DPP10: variants seen among roughly 807,000 people sequenced by gnomAD.
DPP10 encodes inactive dipeptidyl peptidase 10.
DPP10 carries 33 observed loss-of-function variants against 120.9 expected under a neutral mutation model. The observed-to-expected ratio is 0.27, with a 90% confidence interval of 0.21 to 0.37. DPP10 has a LOEUF of 0.37. Among genes scored for constraint, DPP10 ranks in the 10% least tolerant of loss-of-function variants. The pLI is 1.00. For synonymous variants in DPP10, 337 were observed against 326.1 expected, an observed-to-expected ratio of 1.03 and a Z score of -0.36; for missense variants, 816 against 942.8, an observed-to-expected ratio of 0.87 and a Z score of 1.76.
intron 3 of DPP10, among the ~76,000 whole-genome samples, chr2:115,471,478 G>A (rs2074712436): frequency 6.6e-6 from 1 of 152,032 alleles, no homozygotes; most frequent in South Asian, 2.1e-4. Flanking sequence ...CTTGCTCTCT[G>A]GTCTCTCCTT....
chr2:114,754,139 G>A (rs2082875), intron 1 of DPP10, among the ~76,000 whole-genome samples: 44,413 of 151,964 alleles, frequency 0.29, 6,905 homozygotes, highest in South Asian at 0.4. Flanking sequence ...TAGGAAATCT[G>A]TGGCTTTGGT....
At chr2:114,563,718 C>T (rs1358929449) in intron 1 of DPP10, among the ~76,000 whole-genome samples, 1 of 152,152 alleles carries the variant, frequency 6.6e-6, no homozygotes, top group African/African-American at 2.4e-5. Flanking sequence ...TGTGCATTGG[C>T]TCCATTTTTT....
chr2:115,196,304 A>G (rs1192368308), intron 1 of DPP10, among the ~76,000 whole-genome samples: 2 of 152,234 alleles, frequency 1.3e-5, no homozygotes, highest in Non-Finnish European at 2.9e-5. Flanking sequence ...AACAGGACAC[A>G]GTAACTTATG....
At chr2:114,587,337 G>GCA (rs1339013407) in intron 1 of DPP10, among the ~76,000 whole-genome samples, 3 of 148,226 alleles carry the variant, frequency 2.0e-5, no homozygotes, top group Non-Finnish European at 3.0e-5. Flanking sequence ...ACACACGCAT[G>GCA]CACACACACA....
chr2:114,596,292 G>C (rs1691901656), intron 1 of DPP10, among the ~76,000 whole-genome samples: 2 of 148,864 alleles, frequency 1.3e-5, no homozygotes, highest in Admixed American at 6.7e-5. Flanking sequence ...CCTACAAGCT[G>C]TTCCATAGCA....
intron 1 of DPP10, among the ~76,000 whole-genome samples, chr2:115,274,446 T>G (rs915160479): frequency 6.0e-4 from 91 of 152,256 alleles, no homozygotes; most frequent in African/African-American, 2.1e-3. Context: ...GTGCCTATTT[T>G]TTTTTAATAT....
chr2:114,860,048 C>T (rs1328364112), intron 1 of DPP10, among the ~76,000 whole-genome samples: 2 of 152,222 alleles, frequency 1.3e-5, no homozygotes, highest in Non-Finnish European at 2.9e-5. Context: ...GGTATACATA[C>T]ACCACATTAA....
intron 5 of DPP10, among the ~76,000 whole-genome samples, chr2:115,608,417 C>CA (rs1405236144): frequency 1.1e-4 from 4 of 35,414 alleles, no homozygotes; most frequent in African/African-American, 3.9e-4. Flanking sequence ...ACAATAACAA[C>CA]AAAAAACAGA....
chr2:115,614,482 A>G lies in DPP10; in HGVS notation c.442-75205A>G, dbSNP rs143151089. Among the ~76,000 whole-genome samples, 1,407 of 152,168 alleles carry G rather than the reference A, an allele frequency of 9.2e-3. 14 individuals carry two copies. The highest frequency in any genetic ancestry group is 0.047 in the South Asian group (227 of 4,824). ...ACTTTCTTGCCCAGGCTGGAGTGCA[A>G]TGGCGCCATCTCAGCTCACTGCAAC... On this transcript the variant is annotated intron_variant, in intron 5 of 25. Coordinates refer to ENST00000410059, the MANE Select transcript of DPP10 (RefSeq NM_020868.6).
At chr2:114,897,444 C>G (rs1693118823) in intron 1 of DPP10, among the ~76,000 whole-genome samples, 1 of 152,152 alleles carries the variant, frequency 6.6e-6, no homozygotes. Flanking sequence ...TGGGCAAGGA[C>G]TTCATGTCTA....
intron 17 of DPP10, among the ~76,000 whole-genome samples, chr2:115,790,694 A>G (rs1683872329): frequency 6.6e-6 from 1 of 152,150 alleles, no homozygotes; most frequent in African/African-American, 2.4e-5. Context: ...ACCTTATTAA[A>G]TACCTGAACT....
At chr2:115,766,222 G>A (rs1405139611) in intron 12 of DPP10, among the ~76,000 whole-genome samples, 4 of 149,500 alleles carry the variant, frequency 2.7e-5, no homozygotes, top group East Asian at 2.0e-4. Context: ...ACGGTAGGTC[G>A]CAACTCATAA....
chr2:115,386,851 T>C (rs1458314558), intron 3 of DPP10, among the ~76,000 whole-genome samples: 1 of 152,032 alleles, frequency 6.6e-6, no homozygotes, highest in East Asian at 1.9e-4. Flanking sequence ...CATGCTGCAA[T>C]ATGTTTATAA....
chr2:115,158,301 A>C (rs1421911475), intron 1 of DPP10, among the ~76,000 whole-genome samples: 4 of 152,170 alleles, frequency 2.6e-5, no homozygotes, highest in African/African-American at 9.7e-5. Flanking sequence ...TCAATTATCT[A>C]CCTTAATATT....
At chr2:115,128,295 C>A (rs540352448) in intron 1 of DPP10, among the ~76,000 whole-genome samples, 5 of 152,260 alleles carry the variant, frequency 3.3e-5, no homozygotes, top group Admixed American at 3.3e-4. Flanking sequence ...CCCTCCCAGC[C>A]CAGAATATCT....
intron 1 of DPP10, among the ~76,000 whole-genome samples, chr2:114,834,667 CCATATCTACACACCTATGTATATATAAGA>C (rs1292825392): frequency 5.4e-5 from 6 of 110,760 alleles, no homozygotes; most frequent in Non-Finnish European, 9.2e-5. Context: ...TATATATAGG[CCATATCTACACACCTATGTATATATAAGA>C]CATATCTACA....
intron 5 of DPP10, among the ~76,000 whole-genome samples, chr2:115,570,700 T>C (rs1338657061): frequency 1.3e-5 from 2 of 152,224 alleles, no homozygotes; most frequent in African/African-American, 4.8e-5. Context: ...AATAAAGTTA[T>C]TTTGTTAAAA....
At chr2:115,161,889 C>A in intron 1 of DPP10, 2 of 1,397,664 alleles carry the variant, frequency 1.4e-6, no homozygotes, top group Non-Finnish European at 1.9e-6. Flanking sequence ...CCTGCGAACG[C>A]TGCCAAGTGA....
intron 1 of DPP10, among the ~76,000 whole-genome samples, chr2:114,798,374 A>G (rs957633902): frequency 6.6e-6 from 1 of 152,248 alleles, no homozygotes; most frequent in Non-Finnish European, 1.5e-5. Flanking sequence ...TACTATTTTT[A>G]CATCTTTTCT....
Sources: gnomAD v4.1 joint callset for allele counts (sites outside exome capture counted in the v4.1 genomes callset) on GRCh38, gnomAD v4.1.1 for gene constraint, MANE v1.5 for transcripts, NCBI Gene and HGNC (gene_info 2026-07-23, HGNC 2026-07-21) for gene names.